CYP2R1: variants seen among roughly 807,000 people sequenced by gnomAD.
CYP2R1 encodes vitamin D 25-hydroxylase.
Under a neutral mutation model 45.7 loss-of-function variants are expected in CYP2R1, and 40 were observed. The ratio of observed to expected loss-of-function variants is 0.87; its 90% CI spans 0.68 to 1.14. The LOEUF (loss-of-function observed/expected upper bound fraction) is 1.14. Ranked by LOEUF, CYP2R1 falls within the 50% of genes most tolerant of loss-of-function variation. The probability of loss-of-function intolerance (pLI) is 0.00; values close to 1 mark genes in which losing one functional copy is unlikely to be tolerated. For synonymous variants in CYP2R1, 234 were observed against 219.3 expected (o/e 1.07, Z -0.59); for missense variants, 605 against 602.6 (o/e 1.00, Z -0.04).
intron 1 of CYP2R1, 62 bp from the exon 2 acceptor site, chr11:14,885,979 GAAATCTACA>G: frequency 6.5e-7 from 1 of 1,535,360 alleles, no homozygotes; most frequent in Non-Finnish European, 9.0e-7. Context: ...TATAACCATG[GAAATCTACA>G]AGTGGTAAGT....
intron 2 of CYP2R1, among the ~76,000 whole-genome samples, chr11:14,883,794 G>A (rs1453508822): frequency 1.3e-5 from 2 of 152,088 alleles, no homozygotes; most frequent in Admixed American, 6.5e-5. Context: ...ATCTGACAAA[G>A]GGCTAATATC....
chr11:14,878,234 A>C lies in CYP2R1; in HGVS notation c.1394T>G (p.Leu465Trp), dbSNP rs2134008602. The C allele has an allele frequency of 6.2e-7, 1 of 1,613,276 alleles. No homozygotes were observed. The change falls in exon 5 of 5, where the codon TTG (leucine) becomes TGG (tryptophan). Residue 465 changes from leucine to tryptophan, a missense_variant. Physicochemically the swap from Leu to Trp is moderately conservative, Grantham distance 61 (BLOSUM62 -2). Coordinates refer to ENST00000334636, the MANE Select transcript of CYP2R1 (RefSeq NM_024514.5). Reference sequence around the variant, plus strand: ...AAAATGCAAATGAAACCTCTGAAGCAATGCTGTAAAAAACAAGAACATTTC... The same window carrying C: ...AAAATGCAAATGAAACCTCTGAAGCCATGCTGTAAAAAACAAGAACATTTC... ...RMEMFLFFTALLQRFHLHFPH... is the reference protein window; with the variant it reads ...RMEMFLFFTAWLQRFHLHFPH...
Position 14,892,155 on chromosome 11 carries a change from CGCGCCGCCGA to C in CYP2R1, c.41_50del (p.Leu14ArgfsTer9). Reference sequence around the variant, plus strand: ...CTAGCGCGAAGAGCAGCAGGAAGAGCGCGCCGCCGAGCGCCGCCGCGCCCTCTTCAGCTCT... The same window carrying C: ...CTAGCGCGAAGAGCAGCAGGAAGAGCGCGCCGCCGCGCCCTCTTCAGCTCT... On this transcript the variant is annotated frameshift_variant, in exon 1 of 5. Coordinates refer to ENST00000334636, the MANE Select transcript of CYP2R1 (RefSeq NM_024514.5). LOFTEE classifies it high-confidence loss of function. 2.5e-6 allele frequency: 4 copies of C among 1,610,930 alleles called. No individual in the cohort carries two copies. The highest frequency in any genetic ancestry group is 3.4e-6 in the Non-Finnish European group (4 of 1,179,736).
At chr11:14,892,329 A>G (rs1404604196), upstream of CYP2R1, 2 of 916,912 alleles carry the variant, frequency 2.2e-6, no homozygotes, top group African/African-American at 3.3e-5. Context: ...CCATTGGCTG[A>G]CTGAGTGAGC....
chr11:14,890,059 G>A (rs1411848226), intron 1 of CYP2R1, among the ~76,000 whole-genome samples: 1 of 152,076 alleles, frequency 6.6e-6, no homozygotes, highest in East Asian at 1.9e-4. Context: ...AACTCGGGAG[G>A]CGGAGCTTTC....
chr11:14,878,261 A>G lies in CYP2R1; in HGVS notation c.1367T>C (p.Met456Thr), dbSNP rs545401539. Residue 456 changes from methionine to threonine, a missense_variant, in exon 5 of 5, where the codon ATG becomes ACG. Coordinates refer to ENST00000334636, the MANE Select transcript of CYP2R1 (RefSeq NM_024514.5). The stretch of plus-strand genomic sequence containing the variant: ...TGCTGTAAAAAACAAGAACATTTCC[A>G]TCCGAGCCAAGTGTTCTCCAAGACA... ...RHCLGEHLAR[M>T]EMFLFFTALL... 2.7e-5 allele frequency: 43 copies of G among 1,612,954 alleles called. No individual in the cohort carries two copies. The highest frequency in any genetic ancestry group is 3.5e-5 in the Non-Finnish European group (41 of 1,179,386).
chr11:14,885,323 C>G (rs1555014030), intron 2 of CYP2R1, among the ~76,000 whole-genome samples: 2 of 152,102 alleles, frequency 1.3e-5, no homozygotes, highest in African/African-American at 2.4e-5. Context: ...GAATGCTAGT[C>G]CTTTACACAA....
chr11:14,887,626 T>A, intron 1 of CYP2R1: 3 of 985,386 alleles, frequency 3.0e-6, no homozygotes, highest in Non-Finnish European at 3.6e-6. Context: ...AACATTTTCC[T>A]TGCCTTCTAG....
At chr11:14,891,084 A>G in intron 1 of CYP2R1, 1 of 985,416 alleles carries the variant, frequency 1.0e-6, no homozygotes. Flanking sequence ...GTAATTCAAA[A>G]CAAAACAGGT....
intron 2 of CYP2R1, among the ~76,000 whole-genome samples, chr11:14,885,124 T>TC (rs1848564729): frequency 6.6e-6 from 1 of 152,202 alleles, no homozygotes; most frequent in South Asian, 2.1e-4. Context: ...AATGTGAAAC[T>TC]CAGAGAATTT....
intron 2 of CYP2R1, among the ~76,000 whole-genome samples, chr11:14,882,999 G>A (rs1458985338): frequency 6.6e-6 from 1 of 152,084 alleles, no homozygotes; most frequent in African/African-American, 2.4e-5. Context: ...CCTCTTCAAG[G>A]AGAACTACAA....
At chr11:14,881,337 A>C (rs1056957893) in intron 2 of CYP2R1, among the ~76,000 whole-genome samples, 2 of 152,232 alleles carry the variant, frequency 1.3e-5, no homozygotes, top group Admixed American at 6.5e-5. Context: ...CATGAAGCTC[A>C]AACTTTTCTA....
rs1555013636 is a variant in CYP2R1 at position 14,884,482 on chromosome 11, T to G, written c.367+1294A>C. Among the ~76,000 whole-genome samples, 4 of 132,212 alleles carry G rather than the reference T, an allele frequency of 3.0e-5. No individual in the cohort carries two copies. The East Asian group carries it at 8.9e-4, about 29-fold the overall frequency. 86.7% of individuals were successfully genotyped at this position (132,212 alleles called of 152,430 possible). On this transcript the variant is annotated intron_variant, in intron 2 of 4. Coordinates refer to ENST00000334636, the MANE Select transcript of CYP2R1 (RefSeq NM_024514.5). ...TCACTCATAGGTGGGAACTGAACAATGAGAACACATGGACACAGGAAGGGG... is the reference window on the plus strand; with the variant it reads ...TCACTCATAGGTGGGAACTGAACAAGGAGAACACATGGACACAGGAAGGGG...
At chr11:14,891,800 C>T in intron 1 of CYP2R1, 181 bp downstream of exon 1, 4 of 1,408,464 alleles carry the variant, frequency 2.8e-6, no homozygotes, top group Non-Finnish European at 3.7e-6. Flanking sequence ...TGCAAGGGGG[C>T]ACGGCGTCGA....
chr11:14,892,262 C>T (rs1848893805), upstream of CYP2R1: 1 of 1,514,902 alleles, frequency 6.6e-7, no homozygotes, highest in South Asian at 1.2e-5. Context: ...GCACTCCCTC[C>T]AGCCCTGCCA....
intron 2 of CYP2R1, among the ~76,000 whole-genome samples, chr11:14,881,115 A>G (rs953057287): frequency 6.6e-6 from 1 of 152,138 alleles, no homozygotes; most frequent in African/African-American, 2.4e-5. Context: ...CACATGTTCA[A>G]TGGACAAAGT....
At chr11:14,879,026 T>C (rs1299086026) in intron 4 of CYP2R1, 88 bp downstream of exon 4, 4 of 1,069,570 alleles carry the variant, frequency 3.7e-6, no homozygotes, top group African/African-American at 1.6e-5. Context: ...TTTAATTCTA[T>C]AGAAGGATGC....
intron 2 of CYP2R1, among the ~76,000 whole-genome samples, chr11:14,882,686 A>C (rs1295420921): frequency 2.0e-5 from 3 of 152,182 alleles, no homozygotes; most frequent in African/African-American, 7.2e-5. Context: ...TGGCCAGGGC[A>C]ATTAGGCAGG....
At chr11:14,888,345 T>C (rs1848697449) in intron 1 of CYP2R1, among the ~76,000 whole-genome samples, 1 of 152,246 alleles carries the variant, frequency 6.6e-6, no homozygotes, top group African/African-American at 2.4e-5. Context: ...ATATGTTGAA[T>C]TAATGAATAG....
Sources: gnomAD v4.1 joint callset for allele counts (sites outside exome capture counted in the v4.1 genomes callset) on GRCh38, gnomAD v4.1.1 for gene constraint, MANE v1.5 for transcripts, NCBI Gene and HGNC (gene_info 2026-07-23, HGNC 2026-07-21) for gene names.